PCDH15: variants seen among roughly 807,000 people sequenced by gnomAD.
PCDH15 encodes the protein protocadherin related 15, also known as protocadherin-15.
Under a neutral mutation model 178.5 loss-of-function variants are expected in PCDH15, and 129 were observed. The observed-to-expected ratio is 0.72, with a 90% CI of 0.63 to 0.84. The LOEUF (loss-of-function observed/expected upper bound fraction) is 0.84. PCDH15 is among the 40% of genes least tolerant of loss of function. The pLI is 0.00. For missense variants in PCDH15, 2,230 were observed against 2,099.9 expected, an observed-to-expected ratio of 1.06 and a Z score of -1.21; for synonymous variants, 800 against 732.0, an observed-to-expected ratio of 1.09 and a Z score of -1.50.
At chr10:54,427,772 T>C (rs1374908219) in intron 3 of PCDH15, among the ~76,000 whole-genome samples, 2 of 152,154 alleles carry the variant, frequency 1.3e-5, no homozygotes, top group Non-Finnish European at 2.9e-5. Context: ...AAGGTACACA[T>C]TTATATCAAT....
At chr10:54,833,595 C>T (rs1953264219) in intron 3 of PCDH15, among the ~76,000 whole-genome samples, 1 of 152,190 alleles carries the variant, frequency 6.6e-6, no homozygotes, top group Admixed American at 6.6e-5. Context: ...CTACAGACCT[C>T]CCCTACTGAT....
At chr10:54,372,594 A>C (rs138122234) in intron 4 of PCDH15, among the ~76,000 whole-genome samples, 23 of 152,034 alleles carry the variant, frequency 1.5e-4, no homozygotes, top group African/African-American at 4.6e-4. Context: ...GTGAGAGTTT[A>C]GGGACTCTAA....
intron 18 of PCDH15, among the ~76,000 whole-genome samples, chr10:54,043,239 C>T (rs1002623771): frequency 6.6e-6 from 1 of 152,068 alleles, no homozygotes; most frequent in Non-Finnish European, 1.5e-5. Flanking sequence ...AAATGAAGCT[C>T]AGAACCAGCA....
At position 53,811,573 on chromosome 10, in the gene PCDH15, T is replaced by C. The variant is rs1277956608; in HGVS notation, c.4538A>G (p.Gln1513Arg). The change falls in exon 36 of 38, where the codon CAA becomes CGA. Residue 1513 changes from glutamine to arginine, a missense_variant. Gln to Arg is a conservative substitution (Grantham distance 43). Transcript: ENST00000644397. ...SGIDPGQEYG[Q>R]DYYSYEHGYE... is the part of the protein sequence containing the mutation. ...CCCATGCTCATAACTGTAATAATCT[T>C]GTCCATATTCCTGGCCAGGATCAAT... is the stretch of plus-strand genomic sequence containing the variant. 7 of 1,572,618 alleles carry C rather than the reference T, an allele frequency of 4.5e-6. No homozygotes were observed. Among genetic ancestry groups the C allele is most frequent in the Non-Finnish European group, 6.0e-6 (7 of 1,159,072 alleles).
At chr10:55,430,935 T>C (rs182241872) in intron 2 of PCDH15, among the ~76,000 whole-genome samples, 6 of 152,294 alleles carry the variant, frequency 3.9e-5, no homozygotes, top group African/African-American at 7.2e-5. Flanking sequence ...CTTTTGAATA[T>C]GCAAGACTCC....
At chr10:54,134,523 G>A (rs1330934282) in intron 14 of PCDH15, among the ~76,000 whole-genome samples, 1 of 151,978 alleles carries the variant, frequency 6.6e-6, no homozygotes, top group African/African-American at 2.4e-5. Flanking sequence ...GGAGGCCGAG[G>A]CAGGTGGATC....
chr10:55,319,851 G>A (rs1396192960), upstream of PCDH15, among the ~76,000 whole-genome samples: 1 of 152,078 alleles, frequency 6.6e-6, no homozygotes, highest in Non-Finnish European at 1.5e-5. Flanking sequence ...ATCTGCAGTG[G>A]AGCATAGCCA....
Position 54,469,243 on chromosome 10 carries a change from C to T in PCDH15, c.157+58569G>A, listed in dbSNP as rs141940038. Among the ~76,000 whole-genome samples the T allele has an allele frequency of 8.6e-3, 1,315 of 152,162 alleles. 60 individuals carry two copies. The highest frequency in any genetic ancestry group is 0.076 in the Admixed American group (1,157 of 15,288). On this transcript the variant is annotated intron_variant, in intron 3 of 37. Coordinates refer to ENST00000644397, the MANE Select transcript of PCDH15 (RefSeq NM_001384140.1). ...TCCTGAGTAGCTGGGACTACAGGCA[C>T]GCACCACCACATCCGGCTAATTTTT...
intron 3 of PCDH15, among the ~76,000 whole-genome samples, chr10:54,396,620 A>C (rs1951261621): frequency 6.6e-6 from 1 of 152,162 alleles, no homozygotes; most frequent in African/African-American, 2.4e-5. Flanking sequence ...ATAATCCTTA[A>C]AAATCAGTCT....
At position 54,011,427 on chromosome 10, in the gene PCDH15, G is replaced by T. The variant is rs148814040; in HGVS notation, c.2751+8765C>A. ...GCCATCTGCCACAGCCACAGCCAAG[G>T]TCCCTTCCCTTGTTGTGTCTAAGCT... On this transcript the variant is annotated intron_variant, in intron 20 of 37. Coordinates refer to ENST00000644397, the MANE Select transcript of PCDH15 (RefSeq NM_001384140.1). 2.0e-5 allele frequency among the ~76,000 whole-genome samples: 3 copies of T among 152,276 alleles called. No individual in the cohort carries two copies. In the East Asian group the frequency reaches 5.8e-4, roughly 29 times the overall value.
chr10:55,499,437 AC>A (rs1840606179), intron 2 of PCDH15, among the ~76,000 whole-genome samples: 3 of 150,066 alleles, frequency 2.0e-5, no homozygotes, highest in African/African-American at 7.5e-5. Context: ...ACACACACAC[AC>A]ACACACACAC....
At chr10:54,142,250 T>A (rs2043475925) in intron 14 of PCDH15, among the ~76,000 whole-genome samples, 1 of 152,202 alleles carries the variant, frequency 6.6e-6, no homozygotes, top group African/African-American at 2.4e-5. Flanking sequence ...CTTTCTGTAG[T>A]ATAAATATCC....
At chr10:54,296,220 A>G (rs2059777139) in intron 8 of PCDH15, among the ~76,000 whole-genome samples, 1 of 151,120 alleles carries the variant, frequency 6.6e-6, no homozygotes, top group Non-Finnish European at 1.5e-5. Context: ...GCATTCTAGG[A>G]AAGGGCTCTC....
At chr10:54,052,700 G>T (rs2135648781) in intron 18 of PCDH15, among the ~76,000 whole-genome samples, 1 of 152,228 alleles carries the variant, frequency 6.6e-6, no homozygotes, top group African/African-American at 2.4e-5. Context: ...GGGCATAATT[G>T]TGTTTTGAAA....
intron 18 of PCDH15, among the ~76,000 whole-genome samples, chr10:54,053,758 T>C (rs2093826716): frequency 6.6e-6 from 1 of 152,172 alleles, no homozygotes; most frequent in South Asian, 2.1e-4. Context: ...CTGTGGGTAA[T>C]AATAACCATA....
chr10:54,757,006 G>A (rs1186656933), intron 1 of PCDH15, among the ~76,000 whole-genome samples: 1 of 24,460 alleles, frequency 4.1e-5, no homozygotes, highest in Non-Finnish European at 9.9e-5. Flanking sequence ...TATGAAGCAA[G>A]CTCCCAATTG....
At chr10:53,888,332 GTACGTA>G (rs2081284264) in intron 26 of PCDH15, among the ~76,000 whole-genome samples, 5 of 42,268 alleles carry the variant, frequency 1.2e-4, no homozygotes, top group African/African-American at 2.6e-4. Context: ...GTATATATAT[GTACGTA>G]TATATATATA....
At chr10:54,828,853 A>AT (rs1953176545) in intron 3 of PCDH15, among the ~76,000 whole-genome samples, 1 of 151,974 alleles carries the variant, frequency 6.6e-6, no homozygotes, top group South Asian at 2.1e-4. Context: ...CAGAAGTGTT[A>AT]TTTTAGATAA....
chr10:54,542,168 A>G (rs2085312658), intron 2 of PCDH15, among the ~76,000 whole-genome samples: 2 of 152,226 alleles, frequency 1.3e-5, no homozygotes, highest in Non-Finnish European at 2.9e-5. Context: ...TTTCCTACTT[A>G]AGTGAAGTAA....
Sources: allele counts gnomAD v4.1 joint callset (sites outside exome capture counted in the v4.1 genomes callset), GRCh38; gene constraint gnomAD v4.1.1; transcripts MANE v1.5; gene names NCBI Gene and HGNC (gene_info 2026-07-23, HGNC 2026-07-21).